Variants in DRC12 observed in about 807,000 individuals in gnomAD.
The protein encoded by DRC12 is dynein regulatory complex subunit 12 homolog.
chr11:119,191,790 A>G, the DRC12 span, among the ~76,000 whole-genome samples: 3 of 152,122 alleles, frequency 2.0e-5, no homozygotes, highest in South Asian at 6.2e-4. Flanking sequence ...ATGAGCGACC[A>G]GAGTGAAACT....
chr11:119,193,059 T>C, the DRC12 span: 1 of 1,138,672 alleles, frequency 8.8e-7, no homozygotes, highest in African/African-American at 1.5e-5. Flanking sequence ...AGACGGCAGC[T>C]TTCTGGAGCA....
At chr11:119,191,161 G>A in the DRC12 span, among the ~76,000 whole-genome samples, 3 of 150,644 alleles carry the variant, frequency 2.0e-5, no homozygotes, top group Admixed American at 6.6e-5. Context: ...GTGCAGTGGC[G>A]CGATCTCAGC....
the DRC12 span, among the ~76,000 whole-genome samples, chr11:119,191,775 C>T: frequency 6.6e-6 from 1 of 151,740 alleles, no homozygotes; most frequent in Admixed American, 6.6e-5. Flanking sequence ...CCATTGCACT[C>T]CAGAATGAGC....
the DRC12 span, chr11:119,190,466 T>C: frequency 1.2e-6 from 2 of 1,613,780 alleles, no homozygotes; most frequent in Non-Finnish European, 1.7e-6. This position sits in a 1 kb window ranked among gnomAD's most constrained non-coding sequence, Gnocchi z 4.2. Context: ...CAGACATCAA[T>C]ATTTCAGACC....
chr11:119,192,915 G>C, the DRC12 span, among the ~76,000 whole-genome samples: 1 of 152,188 alleles, frequency 6.6e-6, no homozygotes, highest in Non-Finnish European at 1.5e-5. Context: ...CAAAGTGCTG[G>C]GATTACAGGC....
the DRC12 span, chr11:119,190,817 C>G: frequency 6.2e-7 from 1 of 1,613,328 alleles, no homozygotes; most frequent in Non-Finnish European, 8.5e-7. The surrounding 1 kb of genome is among the most constrained non-coding windows in gnomAD (Gnocchi z 4.2). Context: ...TCCCGGGCAG[C>G]TGCAGCCTCC....
At chr11:119,192,760 C>T in the DRC12 span, among the ~76,000 whole-genome samples, 7 of 152,292 alleles carry the variant, frequency 4.6e-5, no homozygotes, top group African/African-American at 1.7e-4. Context: ...GATTCTCCTG[C>T]TTCAGCCTCC....
the DRC12 span, chr11:119,190,909 A>G: frequency 6.5e-7 from 1 of 1,544,086 alleles, no homozygotes; most frequent in Non-Finnish European, 8.7e-7. The surrounding 1 kb of genome is among the most constrained non-coding windows in gnomAD (Gnocchi z 4.2). Context: ...CTCCAAAGGT[A>G]TCTGGAAAGG....
At chr11:119,190,755 C>T in the DRC12 span, 2 of 1,614,098 alleles carry the variant, frequency 1.2e-6, no homozygotes, top group South Asian at 2.2e-5. This position sits in a 1 kb window ranked among gnomAD's most constrained non-coding sequence, Gnocchi z 4.2. Context: ...CCATGTGGGC[C>T]CGAAGCTGAG....
At chr11:119,195,142 T>C in the DRC12 span, 2 of 679,468 alleles carry the variant, frequency 2.9e-6, no homozygotes, top group Non-Finnish European at 5.1e-6. Context: ...TCTACTGAAG[T>C]CAGCACCGTG....
the DRC12 span, among the ~76,000 whole-genome samples, chr11:119,192,387 G>A: frequency 6.6e-6 from 1 of 152,154 alleles, no homozygotes; most frequent in East Asian, 1.9e-4. Context: ...AGAAGCAAAG[G>A]CTTCCTGGTT....
chr11:119,190,313 G>C, the DRC12 span: 1 of 1,614,158 alleles, frequency 6.2e-7, no homozygotes, highest in African/African-American at 1.3e-5. This position sits in a 1 kb window ranked among gnomAD's most constrained non-coding sequence, Gnocchi z 4.2. Context: ...GAGACTAGGG[G>C]CTGGTGGCCT....
the DRC12 span, chr11:119,193,422 C>T: frequency 1.2e-6 from 1 of 860,228 alleles, no homozygotes; most frequent in Admixed American, 2.7e-5. Flanking sequence ...GAGGAAGGGA[C>T]AGGAAGCCCG....
the DRC12 span, chr11:119,190,419 C>T: frequency 6.2e-7 from 1 of 1,614,048 alleles, no homozygotes; most frequent in African/African-American, 1.3e-5. This position sits in a 1 kb window ranked among gnomAD's most constrained non-coding sequence, Gnocchi z 4.2. Flanking sequence ...TGCTTGATGG[C>T]TCTCAGCTTG....
At chr11:119,191,278 T>G in the DRC12 span, among the ~76,000 whole-genome samples, 1 of 151,658 alleles carries the variant, frequency 6.6e-6, no homozygotes, top group Non-Finnish European at 1.5e-5. Context: ...CTTCGAATTT[T>G]TAGTAGAGAT....
At chr11:119,190,838 C>A in the DRC12 span, 2 of 1,611,212 alleles carry the variant, frequency 1.2e-6, no homozygotes, top group Non-Finnish European at 1.7e-6. This position sits in a 1 kb window ranked among gnomAD's most constrained non-coding sequence, Gnocchi z 4.2. Context: ...CTTTGGCATG[C>A]CTCTGGGGGC....
At chr11:119,193,890 G>A in the DRC12 span, 1 of 1,551,196 alleles carries the variant, frequency 6.4e-7, no homozygotes. Context: ...GTAGAGCTGT[G>A]AGCAGTCCCA....
chr11:119,194,007 T>G, the DRC12 span: 2 of 948,108 alleles, frequency 2.1e-6, no homozygotes, highest in South Asian at 1.7e-5. Flanking sequence ...CCTCTTACTC[T>G]CTCTCTGGGT....
chr11:119,190,316 G>C, the DRC12 span: 1 of 1,614,060 alleles, frequency 6.2e-7, no homozygotes, highest in African/African-American at 1.3e-5. The surrounding 1 kb of genome is among the most constrained non-coding windows in gnomAD (Gnocchi z 4.2). Flanking sequence ...ACTAGGGGCT[G>C]GTGGCCTCAA....
Sources: allele counts gnomAD v4.1 joint callset (sites outside exome capture counted in the v4.1 genomes callset), GRCh38; gene constraint gnomAD v4.1.1; non-coding constraint Gnocchi (gnomAD v3.1); transcripts MANE v1.5; gene names NCBI Gene and HGNC (gene_info 2026-07-23, HGNC 2026-07-21).